The following CCDC178 variants were observed in gnomAD, a reference collection of about 807,000 sequenced individuals.
The protein encoded by CCDC178 is coiled-coil domain-containing protein 178.
A neutral mutation model predicts 117.4 loss-of-function variants in CCDC178; 126 were observed. The observed-to-expected ratio is 1.07, with a 90% CI of 0.93 to 1.24. The LOEUF (loss-of-function observed/expected upper bound fraction) is 1.24, where lower values mean the gene tolerates loss of function less well. Ranked by LOEUF, CCDC178 falls within the 50% of genes most tolerant of loss-of-function variation. CCDC178 has a pLI of 0.00. For synonymous variants in CCDC178, 283 were observed against 313.4 expected (o/e 0.90, Z 1.02); for missense variants, 1,030 against 986.9 (o/e 1.04, Z -0.59).
chr18:33,439,232 T>C (rs1196882832), intron 2 of CCDC178, among the ~76,000 whole-genome samples: 1 of 152,214 alleles, frequency 6.6e-6, no homozygotes, highest in African/African-American at 2.4e-5. Context: ...GAAGAATATA[T>C]GCAATTATCC....
chr18:33,061,608 T>C (rs1453601574), intron 21 of CCDC178, among the ~76,000 whole-genome samples: 3 of 152,178 alleles, frequency 2.0e-5, no homozygotes, highest in Admixed American at 2.0e-4. Flanking sequence ...AATCTCAGCA[T>C]GGATTATATG....
chr18:33,195,274 T>G (rs1482018238), intron 20 of CCDC178, among the ~76,000 whole-genome samples: 1 of 152,134 alleles, frequency 6.6e-6, no homozygotes, highest in Non-Finnish European at 1.5e-5. Flanking sequence ...CTTGTCTACC[T>G]GATCTTTTGC....
chr18:33,245,154 T>G, intron 15 of CCDC178, 91 bp downstream of exon 15: 1 of 1,204,598 alleles, frequency 8.3e-7, no homozygotes, highest in Non-Finnish European at 1.1e-6. Context: ...AATCCTTAAA[T>G]TAAAATCTAA....
chr18:33,154,255 T>C (rs78612662), intron 20 of CCDC178, among the ~76,000 whole-genome samples: 395 of 152,232 alleles, frequency 2.6e-3, no homozygotes, highest in Non-Finnish European at 3.6e-3. Context: ...CTCAGCTTTT[T>C]CTTGGAAGAC....
chr18:33,231,346 TA>T (rs35286328), intron 15 of CCDC178, among the ~76,000 whole-genome samples: 1 of 151,874 alleles, frequency 6.6e-6, no homozygotes, highest in South Asian at 2.1e-4. Context: ...GACAACTTTT[TA>T]AAAAAAAGGT....
intron 11 of CCDC178, among the ~76,000 whole-genome samples, chr18:33,294,662 T>A (rs1192455585): frequency 6.6e-6 from 1 of 152,172 alleles, no homozygotes; most frequent in Non-Finnish European, 1.5e-5. Flanking sequence ...TAGACTTACC[T>A]GTCAGAGTCC....
intron 10 of CCDC178, among the ~76,000 whole-genome samples, chr18:33,325,839 G>T (rs1213879053): frequency 6.6e-6 from 1 of 152,126 alleles, no homozygotes; most frequent in African/African-American, 2.4e-5. Flanking sequence ...ATTTGTTGAA[G>T]TACAACTTAT....
At chr18:33,350,390 A>AG (rs2062959514) in intron 7 of CCDC178, among the ~76,000 whole-genome samples, 1 of 152,046 alleles carries the variant, frequency 6.6e-6, no homozygotes, top group Non-Finnish European at 1.5e-5. Context: ...ATTCCAATAT[A>AG]TTTTCATCAC....
Position 33,267,196 on chromosome 18 carries a change from ACT to A in CCDC178, c.1272+4_1272+5del. The A allele has an allele frequency of 6.3e-7, 1 of 1,587,250 alleles. No homozygotes were observed. Among genetic ancestry groups the A allele is most frequent in the Non-Finnish European group, 8.5e-7 (1 of 1,170,956 alleles). The stretch of plus-strand genomic sequence containing the variant: ...CTAAGTGGGAAGTAGGAAAAAATCA[ACT>A]TACTGCAGCATAAAAATCATTAACT... On this transcript the variant is annotated splice_donor_5th_base_variant and intron_variant, in intron 13 of 22. Transcript: ENST00000383096.
At chr18:33,409,953 G>A (rs993739826) in intron 3 of CCDC178, among the ~76,000 whole-genome samples, 1 of 152,100 alleles carries the variant, frequency 6.6e-6, no homozygotes, top group Non-Finnish European at 1.5e-5. Flanking sequence ...CATTTCTTAT[G>A]CATTTACAGA....
intron 21 of CCDC178, among the ~76,000 whole-genome samples, chr18:32,979,018 C>T (rs1047892609): frequency 7.3e-6 from 1 of 137,610 alleles, no homozygotes; most frequent in African/African-American, 2.7e-5. Flanking sequence ...GCCTGGGAGA[C>T]AGAGTGAGAA....
chr18:33,267,083 A>G, intron 13 of CCDC178, 31 bp from the exon 14 acceptor site: 2 of 1,561,252 alleles, frequency 1.3e-6, no homozygotes, highest in Non-Finnish European at 1.7e-6. Flanking sequence ...AATCATTCAT[A>G]CATGTCTAAT....
chr18:33,432,948 G>A (rs926386720), intron 2 of CCDC178, among the ~76,000 whole-genome samples: 1 of 152,126 alleles, frequency 6.6e-6, no homozygotes, highest in South Asian at 2.1e-4. Context: ...AAGAGAGACT[G>A]ATATTATCAA....
At chr18:33,312,871 G>A (rs761103944) in intron 11 of CCDC178, among the ~76,000 whole-genome samples, 5 of 152,166 alleles carry the variant, frequency 3.3e-5, no homozygotes, top group Non-Finnish European at 7.3e-5. Flanking sequence ...TCTGAAGATG[G>A]TCACTTATCT....
chr18:33,274,843 T>C (rs894059632), intron 12 of CCDC178, among the ~76,000 whole-genome samples: 2 of 152,030 alleles, frequency 1.3e-5, no homozygotes, highest in Admixed American at 6.6e-5. Context: ...CTAAATGAAG[T>C]TATGAGACAA....
intron 20 of CCDC178, among the ~76,000 whole-genome samples, chr18:33,172,083 G>A (rs1367846643): frequency 1.3e-5 from 2 of 152,038 alleles, no homozygotes; most frequent in South Asian, 2.1e-4. Flanking sequence ...GCTAATTTTT[G>A]TATTTTAGTA....
chr18:33,292,754 G>GT (rs923924227), intron 12 of CCDC178, among the ~76,000 whole-genome samples: 4 of 152,048 alleles, frequency 2.6e-5, no homozygotes, highest in Non-Finnish European at 5.9e-5. Context: ...TTTTTCTTCA[G>GT]TTTTTGTTTT....
chr18:33,362,153 A>G (rs1386020634), intron 6 of CCDC178, among the ~76,000 whole-genome samples: 1 of 143,506 alleles, frequency 7.0e-6, no homozygotes, highest in African/African-American at 2.6e-5. Context: ...ATGTGTGTCT[A>G]TATGTTTATG....
chr18:33,413,670 G>A (rs1410614595), intron 2 of CCDC178, among the ~76,000 whole-genome samples: 4 of 152,012 alleles, frequency 2.6e-5, no homozygotes, highest in Non-Finnish European at 5.9e-5. Context: ...CCAGAGAAGT[G>A]AGACTAACAT....
Sources: allele counts gnomAD v4.1 joint callset (sites outside exome capture counted in the v4.1 genomes callset), GRCh38; gene constraint gnomAD v4.1.1; transcripts MANE v1.5; gene names NCBI Gene and HGNC (gene_info 2026-07-23, HGNC 2026-07-21).